The following RBFOX1 variants were observed in gnomAD, a reference collection of about 807,000 sequenced individuals.
The protein encoded by RBFOX1 is RNA binding fox-1 homolog 1, also known as RNA binding protein fox-1 homolog 1.
In RBFOX1, 8 loss-of-function variants were observed where a neutral mutation model predicts 57.7. The observed-to-expected ratio is 0.14, with a 90% CI of 0.08 to 0.25. The LOEUF (loss-of-function observed/expected upper bound fraction) is 0.25. RBFOX1 is among the 10% of genes least tolerant of loss of function. The probability of loss-of-function intolerance (pLI) is 1.00; values close to 1 mark genes in which losing one functional copy is unlikely to be tolerated. For missense variants in RBFOX1, 611 were observed against 548.5 expected, an observed-to-expected ratio of 1.11 and a Z score of -1.14; for synonymous variants, 326 against 222.4, an observed-to-expected ratio of 1.47 and a Z score of -4.15.
intron 1 of RBFOX1, among the ~76,000 whole-genome samples, chr16:6,155,454 C>T (rs766976033): frequency 3.9e-5 from 6 of 152,232 alleles, no homozygotes; most frequent in Admixed American, 6.5e-5. Flanking sequence ...TTTTATGATC[C>T]GGAAGGTAGA....
intron 1 of RBFOX1, among the ~76,000 whole-genome samples, chr16:6,173,847 T>C (rs1013567636): frequency 6.6e-6 from 1 of 152,110 alleles, no homozygotes; most frequent in African/African-American, 2.4e-5. Context: ...TGGCCTGAAG[T>C]GATCTGCCTG....
intron 3 of RBFOX1, among the ~76,000 whole-genome samples, chr16:6,755,338 A>C (rs1023990370): frequency 6.6e-6 from 1 of 152,052 alleles, no homozygotes; most frequent in Non-Finnish European, 1.5e-5. Context: ...AAGTGTTCCT[A>C]TTTCTCCACA....
intron 4 of RBFOX1, among the ~76,000 whole-genome samples, chr16:7,331,650 T>G (rs2096697862): frequency 6.6e-6 from 1 of 152,162 alleles, no homozygotes; most frequent in South Asian, 2.1e-4. Flanking sequence ...GGACTTCATT[T>G]AATGATAACA....
chr16:6,209,781 G>T (rs1459316910), intron 1 of RBFOX1, among the ~76,000 whole-genome samples: 3 of 152,128 alleles, frequency 2.0e-5, no homozygotes, highest in African/African-American at 4.8e-5. Flanking sequence ...GATGTCTCAG[G>T]TTCTTCCAGC....
intron 9 of RBFOX1, among the ~76,000 whole-genome samples, chr16:7,600,654 G>A (rs1273415369): frequency 6.6e-6 from 1 of 152,140 alleles, no homozygotes; most frequent in Admixed American, 6.5e-5. Flanking sequence ...AAAGTTTCAG[G>A]TCATCTCCAG....
intron 1 of RBFOX1, among the ~76,000 whole-genome samples, chr16:6,300,147 C>T (rs759136497): frequency 2.2e-4 from 34 of 152,080 alleles, no homozygotes; most frequent in Non-Finnish European, 4.6e-4. Flanking sequence ...AAGTCAAACT[C>T]ATAGAAACAG....
chr16:5,885,406 G>T (rs2151925054), intron 4 of RBFOX1, among the ~76,000 whole-genome samples: 1 of 151,666 alleles, frequency 6.6e-6, no homozygotes, highest in Admixed American at 6.6e-5. Flanking sequence ...AAAGGAAGCT[G>T]CTAGTAAAAT....
At chr16:6,834,935 C>T (rs1041948722) in intron 3 of RBFOX1, among the ~76,000 whole-genome samples, 2 of 147,568 alleles carry the variant, frequency 1.4e-5, no homozygotes, top group African/African-American at 5.0e-5. Context: ...CTCTGTTGCC[C>T]AGGCTGGAGT....
At chr16:5,702,301 G>A (rs549478545) in intron 3 of RBFOX1, among the ~76,000 whole-genome samples, 1 of 152,246 alleles carries the variant, frequency 6.6e-6, no homozygotes, top group South Asian at 2.1e-4. Flanking sequence ...GAGCAAAAGG[G>A]GATGTGCCCC....
intron 3 of RBFOX1, among the ~76,000 whole-genome samples, chr16:5,712,181 A>G (rs4307952): frequency 0.036 from 5,447 of 152,200 alleles, 337 homozygotes; most frequent in African/African-American, 0.12. Flanking sequence ...CCATGATCCA[A>G]TCACCTTCCA....
At chr16:7,356,759 G>A (rs1447241196) in intron 4 of RBFOX1, among the ~76,000 whole-genome samples, 5 of 152,226 alleles carry the variant, frequency 3.3e-5, no homozygotes, top group African/African-American at 9.7e-5. Flanking sequence ...TTAAAACAGG[G>A]ACACTCTCAC....
chr16:5,680,221 C>T (rs913027297), intron 3 of RBFOX1, among the ~76,000 whole-genome samples: 3 of 152,118 alleles, frequency 2.0e-5, no homozygotes, highest in East Asian at 1.9e-4. Context: ...AAACCTTTCA[C>T]GATTTGGGTG....
intron 4 of RBFOX1, among the ~76,000 whole-genome samples, chr16:5,940,776 C>T (rs1041487507): frequency 3.9e-5 from 6 of 152,006 alleles, no homozygotes; most frequent in Non-Finnish European, 8.8e-5. Flanking sequence ...AGGCCACAGC[C>T]GGCTAGTCTG....
intron 1 of RBFOX1, among the ~76,000 whole-genome samples, chr16:6,285,712 C>G (rs2076835859): frequency 6.6e-6 from 1 of 152,158 alleles, no homozygotes; most frequent in East Asian, 1.9e-4. Context: ...ACCTCCATGG[C>G]TAAGGACAAT....
At chr16:7,426,644 C>G (rs547854788) in intron 4 of RBFOX1, among the ~76,000 whole-genome samples, 1 of 152,278 alleles carries the variant, frequency 6.6e-6, no homozygotes, top group East Asian at 1.9e-4. Flanking sequence ...CTGTCTTGGT[C>G]TTGGAGGTTG....
At chr16:5,317,629 G>A (rs1340498033) in intron 1 of RBFOX1, among the ~76,000 whole-genome samples, 1 of 151,994 alleles carries the variant, frequency 6.6e-6, no homozygotes, top group African/African-American at 2.4e-5. Flanking sequence ...ACAAAAAAAA[G>A]CGAACAAAAA....
intron 4 of RBFOX1, among the ~76,000 whole-genome samples, chr16:5,943,710 A>C (rs1396355077): frequency 1.3e-5 from 2 of 152,200 alleles, no homozygotes; most frequent in Non-Finnish European, 2.9e-5. Flanking sequence ...GAAGAGGCTG[A>C]ATGTATCAAC....
chr16:5,798,662 A>G (rs992863391), intron 3 of RBFOX1, among the ~76,000 whole-genome samples: 5 of 152,194 alleles, frequency 3.3e-5, no homozygotes, highest in African/African-American at 7.2e-5. Context: ...ATGTGTGTCA[A>G]ATGGGACTTA....
chr16:6,715,435 G>C (rs534215320), intron 3 of RBFOX1, among the ~76,000 whole-genome samples: 31 of 152,218 alleles, frequency 2.0e-4, no homozygotes, highest in African/African-American at 6.0e-4. Context: ...CAAGCCATCA[G>C]GTTAGTAAAC....
Sources: allele counts gnomAD v4.1 joint callset (sites outside exome capture counted in the v4.1 genomes callset), GRCh38; gene constraint gnomAD v4.1.1; transcripts MANE v1.5; gene names NCBI Gene and HGNC (gene_info 2026-07-23, HGNC 2026-07-21).